The following EBF1 variants were observed in gnomAD, a reference collection of about 807,000 sequenced individuals.
EBF1 encodes transcription factor COE1.
In EBF1, 10 loss-of-function variants were observed where a neutral mutation model predicts 68.4. The observed-to-expected ratio is 0.15, with a 90% CI of 0.09 to 0.25. The LOEUF (loss-of-function observed/expected upper bound fraction) is 0.25. Ranked by LOEUF, EBF1 falls within the 10% of genes least tolerant of loss-of-function variation. The probability of loss-of-function intolerance (pLI) is 1.00; values close to 1 mark genes in which losing one functional copy is unlikely to be tolerated. For synonymous variants in EBF1, 298 were observed against 299.8 expected, an observed-to-expected ratio of 0.99 and a Z score of 0.06; for missense variants, 509 against 794.4, an observed-to-expected ratio of 0.64 and a Z score of 4.32.
intron 6 of EBF1, among the ~76,000 whole-genome samples, chr5:159,070,311 C>T (rs530443660): frequency 4.3e-4 from 66 of 152,298 alleles, no homozygotes; most frequent in African/African-American, 1.5e-3. Context: ...TTTGAAGTGA[C>T]TTGACAAATT....
intron 6 of EBF1, among the ~76,000 whole-genome samples, chr5:158,878,738 G>A (rs1312522558): frequency 6.6e-6 from 1 of 151,638 alleles, no homozygotes; most frequent in Non-Finnish European, 1.5e-5. Flanking sequence ...CCGCCTCCCG[G>A]GTTCAAGTGA....
chr5:158,700,190 G>T (rs181953330), intron 15 of EBF1, among the ~76,000 whole-genome samples: 3 of 152,304 alleles, frequency 2.0e-5, no homozygotes, highest in African/African-American at 7.2e-5. Context: ...ACTTTTCTGA[G>T]GTGTATTTGC....
chr5:158,990,213 T>A (rs1760019691), intron 6 of EBF1, among the ~76,000 whole-genome samples: 1 of 152,144 alleles, frequency 6.6e-6, no homozygotes, highest in African/African-American at 2.4e-5. Context: ...AGGATGGCAC[T>A]CTTCTGCTGG....
At chr5:158,908,510 A>G (rs1308722833) in intron 6 of EBF1, among the ~76,000 whole-genome samples, 1 of 152,122 alleles carries the variant, frequency 6.6e-6, no homozygotes, top group Non-Finnish European at 1.5e-5. Flanking sequence ...AACTCCAATC[A>G]AGCTTTTTTT....
chr5:158,890,293 A>G (rs551884200), intron 6 of EBF1, among the ~76,000 whole-genome samples: 158 of 152,342 alleles, frequency 1.0e-3, no homozygotes, highest in South Asian at 2.1e-3. Context: ...CCTTTATTCA[A>G]TGTGGTAATT....
chr5:159,006,508 C>T (rs1280195285), intron 6 of EBF1, among the ~76,000 whole-genome samples: 1 of 151,780 alleles, frequency 6.6e-6, no homozygotes, highest in African/African-American at 2.4e-5. Flanking sequence ...ACTTTTATTC[C>T]TCTCTTAGAG....
intron 6 of EBF1, among the ~76,000 whole-genome samples, chr5:158,859,381 T>A (rs1794607724): frequency 6.6e-6 from 1 of 152,156 alleles, no homozygotes; most frequent in Non-Finnish European, 1.5e-5. Context: ...CCATAAGACT[T>A]CCCAGATTTT....
At chr5:158,769,012 T>C (rs570483235) in intron 10 of EBF1, among the ~76,000 whole-genome samples, 1 of 152,170 alleles carries the variant, frequency 6.6e-6, no homozygotes, top group East Asian at 1.9e-4. Context: ...TTCCTACTTT[T>C]ATTGTTAATA....
intron 4 of EBF1, among the ~76,000 whole-genome samples, chr5:159,091,962 T>A (rs1156947542): frequency 2.0e-5 from 3 of 152,236 alleles, no homozygotes; most frequent in African/African-American, 4.8e-5. Context: ...CAATTTGGTA[T>A]CTTTTCTTTG....
At chr5:158,720,612 A>G (rs1003614833) in intron 11 of EBF1, among the ~76,000 whole-genome samples, 1 of 152,212 alleles carries the variant, frequency 6.6e-6, no homozygotes, top group Non-Finnish European at 1.5e-5. Flanking sequence ...ACTTCTTGAA[A>G]TAGAGCTTAG....
chr5:158,736,901 A>G (rs1201040415), intron 10 of EBF1, among the ~76,000 whole-genome samples: 1 of 152,224 alleles, frequency 6.6e-6, no homozygotes, highest in Non-Finnish European at 1.5e-5. Context: ...CAAGGCCAGA[A>G]ATATTGTTCA....
intron 8 of EBF1, among the ~76,000 whole-genome samples, chr5:158,817,518 A>G (rs537495964): frequency 1.6e-4 from 24 of 152,182 alleles, no homozygotes; most frequent in Non-Finnish European, 3.4e-4. Flanking sequence ...GGAAGCCCTC[A>G]CCAGTGCTGG....
In EBF1 at chr5:159,099,422, C is replaced by T; in HGVS notation, c.57G>A (p.Pro19=). 3 of 1,601,518 alleles carry T rather than the reference C, an allele frequency of 1.9e-6. No homozygotes were observed. The highest frequency in any genetic ancestry group is 1.1e-5 in the South Asian group (1 of 90,334). The change falls in exon 1 of 16, where the codon CCG becomes CCA. Residue 19 remains proline, a synonymous_variant. Coordinates refer to ENST00000313708, the MANE Select transcript of EBF1 (RefSeq NM_024007.5). ...QRSGSSMKEE[P]LGSGMNAVRT... ...GCACCGCGTTCATGCCGCTGCCCAG[C>T]GGCTCTTCCTTCATGCTGCTTCCAC...
chr5:159,044,996 AAT>A (rs1772049127), intron 6 of EBF1, among the ~76,000 whole-genome samples: 1 of 152,188 alleles, frequency 6.6e-6, no homozygotes, highest in African/African-American at 2.4e-5. Flanking sequence ...GACCTTACCA[AAT>A]ACATTTAATC....
intron 1 of EBF1, 50 bp from the exon 2 acceptor site, chr5:159,097,180 G>T: frequency 6.3e-7 from 1 of 1,576,520 alleles, no homozygotes; most frequent in Non-Finnish European, 8.6e-7. Context: ...GCCGACCCGC[G>T]CCCCTTGTCA....
At chr5:158,823,422 A>T in intron 7 of EBF1, 105 bp from the exon 8 acceptor site, 1 of 1,089,122 alleles carries the variant, frequency 9.2e-7, no homozygotes, top group Non-Finnish European at 1.3e-6. Flanking sequence ...AAAATTGCAT[A>T]GCTATTTCAC....
chr5:158,712,669 A>T (rs888938367), intron 13 of EBF1, among the ~76,000 whole-genome samples: 2 of 152,090 alleles, frequency 1.3e-5, no homozygotes, highest in Non-Finnish European at 2.9e-5. Flanking sequence ...GGCAAGAATG[A>T]TGTGCTTTGG....
intron 6 of EBF1, among the ~76,000 whole-genome samples, chr5:158,937,627 C>T (rs1812320625): frequency 6.6e-6 from 1 of 152,202 alleles, no homozygotes; most frequent in African/African-American, 2.4e-5. Flanking sequence ...AATATCAGGG[C>T]AACCTTCTTA....
chr5:158,813,803 C>T (rs190190251), intron 8 of EBF1, among the ~76,000 whole-genome samples: 15 of 152,188 alleles, frequency 9.9e-5, no homozygotes, highest in African/African-American at 3.1e-4. Flanking sequence ...AATGGTCAAA[C>T]AAAAATATTT....
Sources: allele counts gnomAD v4.1 joint callset (sites outside exome capture counted in the v4.1 genomes callset), GRCh38; gene constraint gnomAD v4.1.1; transcripts MANE v1.5; gene names NCBI Gene and HGNC (gene_info 2026-07-23, HGNC 2026-07-21).